Variants in PMPCB observed in about 807,000 individuals in gnomAD.
PMPCB encodes peptidase, mitochondrial processing subunit beta.
A neutral mutation model predicts 61.5 loss-of-function variants in PMPCB; 46 were observed. The ratio of observed to expected loss-of-function variants is 0.75; its 90% CI spans 0.59 to 0.96. The LOEUF (loss-of-function observed/expected upper bound fraction) is 0.96. Ranked by LOEUF, PMPCB falls within the 40% of genes least tolerant of loss-of-function variation. The pLI, the probability that PMPCB is intolerant of heterozygous loss-of-function variation, is 0.00. For missense variants in PMPCB, 590 were observed against 602.4 expected (o/e 0.98, Z 0.22); for synonymous variants, 191 against 201.6 (o/e 0.95, Z 0.44).
intron 12 of PMPCB, chr7:103,324,419 T>C (rs1818589225): frequency 1.5e-6 from 2 of 1,355,166 alleles, no homozygotes; most frequent in Non-Finnish European, 2.0e-6. Flanking sequence ...AACAATCAAG[T>C]ACTTATTGAA....
chr7:103,311,924 C>A, intron 11 of PMPCB, 28 bp downstream of exon 11: 1 of 1,534,302 alleles, frequency 6.5e-7, no homozygotes, highest in South Asian at 1.2e-5. Context: ...ACTATTGGGT[C>A]ATGTGTAAAA....
chr7:103,297,462 G>GGCGGCT lies in PMPCB; in HGVS notation c.9_14dup (p.Ala5_Ala6dup). 6.5e-7 allele frequency: 1 copy of GGCGGCT among 1,541,296 alleles called. No homozygotes were observed. Among genetic ancestry groups the GGCGGCT allele is most frequent in the Non-Finnish European group, 8.7e-7 (1 of 1,143,514 alleles). On this transcript the variant is annotated inframe_insertion, in exon 1 of 13. Coordinates refer to ENST00000249269, the MANE Select transcript of PMPCB (RefSeq NM_004279.3). The stretch of plus-strand genomic sequence containing the variant: ...CCTCTACCTTCCTTCTAGCAGAAAT[G>GGCGGCT]GCGGCTGCGGCGGCTCGAGTGGTGT...
At position 103,311,621 on chromosome 7, in the gene PMPCB, A is replaced by C. The variant is rs375408933; in HGVS notation, c.1155-22A>C. ...TGAAATACAACATTTTCCAACTACT[A>C]CTGTTTTTCCACGTTTTTTAGGATG... On this transcript the variant is annotated intron_variant, in intron 9 of 12. Transcript: ENST00000249269. 6 of 1,582,178 alleles carry C rather than the reference A, an allele frequency of 3.8e-6. No individual in the cohort carries two copies. In the African/African-American group the frequency reaches 6.7e-5, roughly 18 times the overall value.
chr7:103,317,374 TCA>T, downstream of PMPCB: 1 of 192,078 alleles, frequency 5.2e-6, no homozygotes, highest in Non-Finnish European at 1.1e-5. Flanking sequence ...GCAGACAATC[TCA>T]TTTATTCTCT....
intron 5 of PMPCB, 84 bp from the exon 6 acceptor site, chr7:103,304,327 T>C: frequency 1.2e-6 from 1 of 814,150 alleles, no homozygotes; most frequent in South Asian, 1.5e-5. Flanking sequence ...GATACAGTTA[T>C]GGTCCAATTT....
the PMPCB span, chr7:103,335,438 T>C: frequency 6.6e-6 from 1 of 152,146 alleles, no homozygotes; most frequent in African/African-American, 2.4e-5. Flanking sequence ...GAGAGTAAGT[T>C]AGAATTACCC....
Position 103,299,427 on chromosome 7 carries a change from C to A in PMPCB, c.241-16C>A. 6.7e-7 allele frequency: 1 copy of A among 1,483,942 alleles called. No homozygotes were observed. The highest frequency in any genetic ancestry group is 9.3e-7 in the Non-Finnish European group (1 of 1,073,316). 91.9% of individuals were successfully genotyped at this position (1,483,942 alleles called of 1,614,324 possible). A position where few individuals can be genotyped will look rare whatever the true frequency, so the allele number is the denominator to read the frequency against. On this transcript the variant is annotated splice_polypyrimidine_tract_variant and intron_variant, in intron 2 of 12. Transcript: ENST00000249269. ...AATAAAATGAATTTATTTAATTGTTCTTTGATTGCATTAAGGTTGGACTCT... is the reference window on the plus strand; with the variant it reads ...AATAAAATGAATTTATTTAATTGTTATTTGATTGCATTAAGGTTGGACTCT...
In PMPCB at chr7:103,303,861, T is replaced by C; in HGVS notation, c.477T>C (p.Asp159=). The C allele has an allele frequency of 6.2e-7, 1 of 1,610,910 alleles. No individual in the cohort carries two copies. The highest frequency in any genetic ancestry group is 1.3e-5 in the African/African-American group (1 of 74,976). Residue 159 remains aspartate (D), a synonymous_variant, in exon 5 of 13, where the codon GAT becomes GAC. Transcript: ENST00000249269. ...AATTAGCTGTAGAAATTCTTGCTGATATAATACAAAACAGCACATTGGGAG... is the reference window on the plus strand; with the variant it reads ...AATTAGCTGTAGAAATTCTTGCTGACATAATACAAAACAGCACATTGGGAG... The part of the protein sequence containing the change: ...DLPRAVEILA[D]IIQNSTLGEA...
chr7:103,305,734 A>G (rs535541318), intron 6 of PMPCB, among the ~76,000 whole-genome samples: 1 of 152,372 alleles, frequency 6.6e-6, no homozygotes, highest in African/African-American at 2.4e-5. Context: ...AATATCAAAC[A>G]TGTTATTCAT....
intron 6 of PMPCB, 132 bp downstream of exon 6, chr7:103,304,622 G>C: frequency 1.5e-6 from 1 of 683,078 alleles, no homozygotes; most frequent in Non-Finnish European, 2.6e-6. Flanking sequence ...TGTGTAAGGG[G>C]AATGTGGAGC....
downstream of PMPCB, chr7:103,316,726 A>G: frequency 1.0e-6 from 1 of 979,108 alleles, no homozygotes; most frequent in East Asian, 2.4e-5. Flanking sequence ...CACAGAATTT[A>G]TCTCTGCAAG....
In PMPCB at chr7:103,311,817, C is replaced by T. The variant is rs775637308; in HGVS notation, c.1250C>T (p.Pro417Leu). 1.4e-5 allele frequency: 23 copies of T among 1,611,722 alleles called. No homozygotes were observed. Among genetic ancestry groups the T allele is most frequent in the Non-Finnish European group, 1.9e-5 (22 of 1,178,332 alleles). The part of the protein sequence containing the change: ...NMLLQLDGST[P>L]ICEDIGRQML... ...CCTTCTCTTTAAACAGGTTCAACTC[C>T]AATTTGTGAAGATATTGGTAGGCAA... The change falls in exon 11 of 13, where the codon CCA becomes CTA. Residue 417 changes from proline (P) to leucine (L), a missense_variant. Transcript: ENST00000249269.
At chr7:103,299,611 C>G in intron 3 of PMPCB, 82 bp downstream of exon 3, 2 of 746,052 alleles carry the variant, frequency 2.7e-6, no homozygotes, top group Non-Finnish European at 4.6e-6. Flanking sequence ...GCAGGGAGAG[C>G]TCTTTCAGTA....
At chr7:103,330,940 G>T (rs114388582), downstream of PMPCB, among the ~76,000 whole-genome samples, 2 of 151,254 alleles carry the variant, frequency 1.3e-5, no homozygotes, top group African/African-American at 4.9e-5. Context: ...TGATTATTTT[G>T]TTCATAATAC....
downstream of PMPCB, among the ~76,000 whole-genome samples, chr7:103,333,378 A>C (rs1244755880): frequency 6.6e-6 from 1 of 152,220 alleles, no homozygotes; most frequent in African/African-American, 2.4e-5. Context: ...TAAAGCAGTA[A>C]TCTTACTTTT....
At chr7:103,328,839 G>A (rs1818845813) in intron 12 of PMPCB, 7 of 320,038 alleles carry the variant, frequency 2.2e-5, no homozygotes, top group South Asian at 2.0e-4. Flanking sequence ...GGACATTTGT[G>A]CCATTTCCAA....
intron 12 of PMPCB, among the ~76,000 whole-genome samples, chr7:103,324,079 G>C (rs1193049240): frequency 6.6e-6 from 1 of 152,074 alleles, no homozygotes; most frequent in Non-Finnish European, 1.5e-5. Flanking sequence ...TTATGTTTTT[G>C]TATTTACTAG....
chr7:103,333,402 C>CT (rs570934040), downstream of PMPCB, among the ~76,000 whole-genome samples: 1 of 152,254 alleles, frequency 6.6e-6, no homozygotes, highest in South Asian at 2.1e-4. Flanking sequence ...GAAAAAAAGT[C>CT]TATTAGCATA....
intron 12 of PMPCB, chr7:103,328,861 T>C: frequency 2.3e-6 from 1 of 437,590 alleles, no homozygotes; most frequent in Non-Finnish European, 3.7e-6. Flanking sequence ...TTTGCATTAT[T>C]ATAAATAATG....
Sources: allele counts gnomAD v4.1 joint callset (sites outside exome capture counted in the v4.1 genomes callset), GRCh38; gene constraint gnomAD v4.1.1; transcripts MANE v1.5; gene names NCBI Gene and HGNC (gene_info 2026-07-23, HGNC 2026-07-21).